ADAMTS20: variants seen among roughly 807,000 people sequenced by gnomAD.
ADAMTS20 encodes the protein A disintegrin and metalloproteinase with thrombospondin motifs 20.
In ADAMTS20, 225 loss-of-function variants were observed where a neutral mutation model predicts 260.1. The observed-to-expected ratio is 0.87, with a 90% CI of 0.78 to 0.97. The LOEUF is 0.97. ADAMTS20 is among the 50% of genes least tolerant of loss of function. ADAMTS20 has a pLI of 0.00. For missense variants in ADAMTS20, 2,400 were observed against 2,337.7 expected (o/e 1.03, Z -0.55); for synonymous variants, 802 against 769.5 (o/e 1.04, Z -0.70).
At chr12:43,424,571 A>C (rs1358690632) in intron 28 of ADAMTS20, among the ~76,000 whole-genome samples, 1 of 152,112 alleles carries the variant, frequency 6.6e-6, no homozygotes, top group Non-Finnish European at 1.5e-5. Flanking sequence ...GGATAATGAC[A>C]AAAAACAAGT....
rs182957950 is a variant in ADAMTS20 at position 43,444,820 on chromosome 12, A to G, written c.2198-937T>C. Among the ~76,000 whole-genome samples, 146 of 152,334 alleles carry G rather than the reference A, an allele frequency of 9.6e-4. 1 individual carries two copies. The highest frequency in any genetic ancestry group is 3.1e-3 in the African/African-American group (127 of 41,584). ...TGATAAATATGGAATTAACTTAAGA[A>G]GACAGTTCAAAAAGAGCTTAAATTT... On this transcript the variant is annotated intron_variant, in intron 15 of 38. Coordinates refer to ENST00000389420, the MANE Select transcript of ADAMTS20 (RefSeq NM_025003.5).
intron 29 of ADAMTS20, among the ~76,000 whole-genome samples, chr12:43,398,593 G>GC (rs1307115140): frequency 1.3e-5 from 2 of 152,036 alleles, no homozygotes; most frequent in African/African-American, 4.8e-5. Context: ...TAGAAACAAG[G>GC]CAGTTACTAA....
chr12:43,401,215 G>A lies in ADAMTS20; in HGVS notation c.4285-1982C>T, dbSNP rs1229329213. ...AAATTCATTCTTGAAGGAGAGGTAGGTTTGTTGATGGACAAAGATGAATGG... is the reference window on the plus strand; with the variant it reads ...AAATTCATTCTTGAAGGAGAGGTAGATTTGTTGATGGACAAAGATGAATGG... On this transcript the variant is annotated intron_variant, in intron 28 of 38. Coordinates refer to ENST00000389420, the MANE Select transcript of ADAMTS20 (RefSeq NM_025003.5). Among the ~76,000 whole-genome samples, 4 of 151,942 alleles carry A rather than the reference G, an allele frequency of 2.6e-5. No individual in the cohort carries two copies. In the East Asian group the frequency reaches 5.8e-4, roughly 22 times the overall value.
chr12:43,386,818 T>C (rs1940489481), intron 29 of ADAMTS20, among the ~76,000 whole-genome samples: 1 of 152,244 alleles, frequency 6.6e-6, no homozygotes, highest in Admixed American at 6.5e-5. Context: ...GTTCTCGTGC[T>C]GTGTTTTTCA....
chr12:43,541,401 G>T (rs1022020076), intron 2 of ADAMTS20, among the ~76,000 whole-genome samples: 6 of 152,118 alleles, frequency 3.9e-5, no homozygotes, highest in Admixed American at 2.0e-4. Context: ...GTGTGTTTAA[G>T]TGATATTAAT....
intron 28 of ADAMTS20, among the ~76,000 whole-genome samples, chr12:43,416,524 C>CTTTTT (rs59341765): frequency 1.5e-5 from 2 of 130,718 alleles, no homozygotes; most frequent in Non-Finnish European, 1.6e-5. Flanking sequence ...TCAAACTGAC[C>CTTTTT]TTTTTTTTTT....
At chr12:43,440,857 GA>G (rs1941650450) in intron 16 of ADAMTS20, among the ~76,000 whole-genome samples, 1 of 152,124 alleles carries the variant, frequency 6.6e-6, no homozygotes, top group East Asian at 1.9e-4. Flanking sequence ...GAGGTCAGGA[GA>G]TCGAGATCAT....
At chr12:43,467,022 T>A (rs764826615) in intron 8 of ADAMTS20, among the ~76,000 whole-genome samples, 14 of 151,886 alleles carry the variant, frequency 9.2e-5, no homozygotes, top group Non-Finnish European at 1.9e-4. Context: ...ATCTACACAA[T>A]CAAAATATTT....
rs1266351272 is a variant in ADAMTS20, at chr12:43,356,466, T to C, written c.5643+18A>G. The C allele has an allele frequency of 2.6e-6, 4 of 1,538,726 alleles. No individual in the cohort carries two copies. Among genetic ancestry groups the C allele is most frequent in the South Asian group, 1.2e-5 (1 of 84,926 alleles). ...TCAGAAGTATTTCAAACAGGCTTTTTGGTCCCGCAGGACTTACCTCTGATC... is the reference window on the plus strand; with the variant it reads ...TCAGAAGTATTTCAAACAGGCTTTTCGGTCCCGCAGGACTTACCTCTGATC... On this transcript the variant is annotated intron_variant, in intron 38 of 38. Coordinates refer to ENST00000389420, the MANE Select transcript of ADAMTS20 (RefSeq NM_025003.5).
intron 7 of ADAMTS20, among the ~76,000 whole-genome samples, chr12:43,482,448 A>C (rs1263109919): frequency 6.6e-6 from 1 of 152,252 alleles, no homozygotes; most frequent in East Asian, 1.9e-4. Flanking sequence ...TGCTGTTAGC[A>C]GATCACTGTG....
intron 12 of ADAMTS20, 138 bp downstream of exon 12, chr12:43,453,769 G>T: frequency 4.8e-6 from 4 of 840,238 alleles, no homozygotes; most frequent in Non-Finnish European, 7.2e-6. Flanking sequence ...AAATCAATGT[G>T]ACTTAAAGTG....
At chr12:43,505,427 G>A (rs1381774382) in intron 3 of ADAMTS20, among the ~76,000 whole-genome samples, 1 of 152,118 alleles carries the variant, frequency 6.6e-6, no homozygotes, top group African/African-American at 2.4e-5. Flanking sequence ...AAAAATTCCT[G>A]CAACTCAACA....
rs1565591414 is a variant in ADAMTS20, at chr12:43,551,415, G to C, written c.92-145C>G. 1 of 1,114,702 alleles carries C rather than the reference G, an allele frequency of 9.0e-7. No individual in the cohort carries two copies. Among genetic ancestry groups the C allele is most frequent in the Admixed American group, 2.8e-5 (1 of 35,518 alleles). 69.1% of individuals were successfully genotyped at this position (1,114,702 alleles called of 1,614,324 possible). ...CAAATGCACACATGCTGATGCGCAC[G>C]CACACACACACACGTGCACTGGGAC... On this transcript the variant is annotated intron_variant, in intron 1 of 38. Coordinates refer to ENST00000389420, the MANE Select transcript of ADAMTS20 (RefSeq NM_025003.5). The surrounding 1 kb of genome is among the most constrained non-coding windows in gnomAD (Gnocchi z 4.6).
At chr12:43,544,290 A>T (rs1347535357) in intron 2 of ADAMTS20, among the ~76,000 whole-genome samples, 1 of 152,226 alleles carries the variant, frequency 6.6e-6, no homozygotes, top group African/African-American at 2.4e-5. Flanking sequence ...TTGGTAAAGT[A>T]ATTTTCCTGC....
chr12:43,468,640 G>T lies in ADAMTS20; in HGVS notation c.1183C>A (p.Leu395Ile). 6.2e-7 allele frequency: 1 copy of T among 1,611,196 alleles called. No homozygotes were observed. The highest frequency in any genetic ancestry group is 1.3e-5 in the African/African-American group (1 of 74,946). Residue 395 changes from leucine to isoleucine, a missense_variant, in exon 8 of 39, where the codon CTC becomes ATC. Coordinates refer to ENST00000389420, the MANE Select transcript of ADAMTS20 (RefSeq NM_025003.5). ...QSCFINEEKGLISAFTIAHEL... is the reference protein window; with the variant it reads ...QSCFINEEKGIISAFTIAHEL... ...TGGGCTATAGTAAAAGCAGAAATGA[G>T]TCCTTTTTCTTCATTAATAAAGCAG...
At chr12:43,453,088 T>C (rs1941899666) in intron 12 of ADAMTS20, among the ~76,000 whole-genome samples, 1 of 152,202 alleles carries the variant, frequency 6.6e-6, no homozygotes, top group African/African-American at 2.4e-5. Context: ...TACACATCTG[T>C]CATGTATATC....
At chr12:43,515,348 T>C (rs1174499755) in intron 3 of ADAMTS20, among the ~76,000 whole-genome samples, 2 of 152,216 alleles carry the variant, frequency 1.3e-5, no homozygotes, top group Non-Finnish European at 2.9e-5. Flanking sequence ...TATGAGCTTT[T>C]CCTTTTGTTA....
intron 15 of ADAMTS20, among the ~76,000 whole-genome samples, chr12:43,444,972 G>C (rs1336578222): frequency 6.6e-6 from 1 of 152,052 alleles, no homozygotes; most frequent in African/African-American, 2.4e-5. Flanking sequence ...TATGCCTACT[G>C]GTTGTAGGTT....
rs140775132 is a variant in ADAMTS20, at chr12:43,395,099, G to A, written c.4452+3967C>T. Among the ~76,000 whole-genome samples, 144 of 152,210 alleles carry A rather than the reference G, an allele frequency of 9.5e-4. 1 individual carries two copies. The highest frequency in any genetic ancestry group is 3.4e-3 in the African/African-American group (140 of 41,544). Reference sequence around the variant, plus strand: ...TTAAATATCAAGAAAGATGATAAAGGAGGAGCATTAACAGATAGCACTGAA... The same window carrying A: ...TTAAATATCAAGAAAGATGATAAAGAAGGAGCATTAACAGATAGCACTGAA... On this transcript the variant is annotated intron_variant, in intron 29 of 38. Transcript: ENST00000389420.
Sources: gnomAD v4.1 joint callset for allele counts (sites outside exome capture counted in the v4.1 genomes callset) on GRCh38, gnomAD v4.1.1 for gene constraint, Gnocchi (gnomAD v3.1) non-coding constraint, MANE v1.5 for transcripts, NCBI Gene and HGNC (gene_info 2026-07-23, HGNC 2026-07-21) for gene names.